AKAP6: variants seen among roughly 807,000 people sequenced by gnomAD.
AKAP6 encodes the protein A-kinase anchoring protein 6.
In AKAP6, 58 loss-of-function variants were observed where a neutral mutation model predicts 188.5. The observed-to-expected ratio is 0.31, with a 90% confidence interval of 0.25 to 0.38. AKAP6 has a LOEUF of 0.38. AKAP6 is among the 10% of genes least tolerant of loss of function. The pLI is 1.00. For synonymous variants in AKAP6, 989 were observed against 998.6 expected (o/e 0.99, Z 0.18); for missense variants, 2,710 against 2,740.0 (o/e 0.99, Z 0.24).
intron 7 of AKAP6, among the ~76,000 whole-genome samples, chr14:32,670,229 A>C: frequency 6.6e-6 from 1 of 152,124 alleles, no homozygotes. Context: ...CCCAGGATTA[A>C]ATTACATCCC....
chr14:32,676,920 T>C (rs1283065382), intron 7 of AKAP6, among the ~76,000 whole-genome samples: 4 of 152,296 alleles, frequency 2.6e-5, no homozygotes, highest in Non-Finnish European at 4.4e-5. Context: ...TGCAACTTCC[T>C]TCTCCCAGGT....
At chr14:32,776,734 A>G (rs1410094894) in intron 12 of AKAP6, among the ~76,000 whole-genome samples, 2 of 152,212 alleles carry the variant, frequency 1.3e-5, no homozygotes, top group African/African-American at 2.4e-5. Flanking sequence ...TTATGTTTCT[A>G]TAAGAACACC....
At chr14:32,803,964 C>T (rs1238985948) in intron 12 of AKAP6, among the ~76,000 whole-genome samples, 6 of 152,162 alleles carry the variant, frequency 3.9e-5, no homozygotes, top group East Asian at 1.9e-4. Context: ...CCATCTAGTC[C>T]GTTAATGGGT....
chr14:32,487,351 GT>G (rs1879758317), intron 2 of AKAP6, among the ~76,000 whole-genome samples: 2 of 152,258 alleles, frequency 1.3e-5, no homozygotes, highest in South Asian at 4.1e-4. Context: ...GTATGGAGGA[GT>G]CCCTCTTTTT....
At chr14:32,492,304 G>A (rs752454442) in intron 2 of AKAP6, among the ~76,000 whole-genome samples, 8 of 138,544 alleles carry the variant, frequency 5.8e-5, no homozygotes, top group Non-Finnish European at 9.3e-5. Flanking sequence ...GACACACTCT[G>A]TAGATATCAC....
chr14:32,612,089 A>G (rs1467883008), intron 7 of AKAP6, among the ~76,000 whole-genome samples: 1 of 152,176 alleles, frequency 6.6e-6, no homozygotes, highest in Non-Finnish European at 1.5e-5. Context: ...CTCTCAAAAG[A>G]GATTTCCTAA....
intron 7 of AKAP6, among the ~76,000 whole-genome samples, chr14:32,656,000 T>C (rs1199805927): frequency 6.6e-6 from 1 of 152,152 alleles, no homozygotes; most frequent in Non-Finnish European, 1.5e-5. Context: ...ATATCTCTCG[T>C]CTAGATATTT....
chr14:32,558,647 A>G (rs1417291268), intron 4 of AKAP6, among the ~76,000 whole-genome samples: 1 of 152,188 alleles, frequency 6.6e-6, no homozygotes, highest in African/African-American at 2.4e-5. Flanking sequence ...ACTATAAACA[A>G]AGAGACCCCA....
At chr14:32,436,216 T>C (rs1399133413) in intron 2 of AKAP6, among the ~76,000 whole-genome samples, 1 of 152,236 alleles carries the variant, frequency 6.6e-6, no homozygotes, top group Non-Finnish European at 1.5e-5. Flanking sequence ...ATCTCAAGGC[T>C]GGGAATGCCC....
At chr14:32,529,079 T>C (rs1459428695) in intron 2 of AKAP6, among the ~76,000 whole-genome samples, 2 of 152,198 alleles carry the variant, frequency 1.3e-5, no homozygotes, top group Non-Finnish European at 2.9e-5. Flanking sequence ...ACTAACATCT[T>C]GATAATATTG....
chr14:32,591,128 C>A (rs974180017), intron 5 of AKAP6, among the ~76,000 whole-genome samples: 13 of 152,200 alleles, frequency 8.5e-5, no homozygotes, highest in African/African-American at 3.1e-4. Flanking sequence ...GAATCCACAT[C>A]TGTAGGGGCT....
chr14:32,444,599 A>G (rs1890699346), intron 2 of AKAP6, among the ~76,000 whole-genome samples: 1 of 152,218 alleles, frequency 6.6e-6, no homozygotes, highest in Non-Finnish European at 1.5e-5. Context: ...ATATCATTAA[A>G]TGGAGAAGGA....
intron 5 of AKAP6, among the ~76,000 whole-genome samples, chr14:32,589,248 G>A (rs890942445): frequency 4.6e-5 from 7 of 152,124 alleles, no homozygotes; most frequent in African/African-American, 1.7e-4. Context: ...GGCCTTACAC[G>A]GGCTTTGAAG....
At chr14:32,550,145 C>A (rs6571535) in intron 4 of AKAP6, among the ~76,000 whole-genome samples, 60,199 of 152,054 alleles carry the variant, frequency 0.4, 15,868 homozygotes, top group African/African-American at 0.75. Flanking sequence ...TGTTTTAACC[C>A]GATGATGACT....
In AKAP6 at chr14:32,822,628, C is replaced by T. The variant is rs766712086; in HGVS notation, c.4815C>T (p.Ser1605=). ...SLESWLTSYK[S]NEDLFSCHSS... ...AAAGTTGGTTGACTTCCTATAAAAGCAATGAAGATCTCTTTAGCTGTCACA... is the reference window on the plus strand; with the variant it reads ...AAAGTTGGTTGACTTCCTATAAAAGTAATGAAGATCTCTTTAGCTGTCACA... The change falls in exon 13 of 14, where the codon AGC becomes AGT. Residue 1605 remains serine, a synonymous_variant. Coordinates refer to ENST00000280979, the MANE Select transcript of AKAP6 (RefSeq NM_004274.5). 1.1e-5 allele frequency: 17 copies of T among 1,613,870 alleles called. No homozygotes were observed. In the Admixed American group the frequency reaches 2.8e-4, roughly 27 times the overall value.
chr14:32,444,387 C>T (rs1890690921), intron 2 of AKAP6, among the ~76,000 whole-genome samples: 1 of 152,074 alleles, frequency 6.6e-6, no homozygotes, highest in Non-Finnish European at 1.5e-5. Context: ...TCTCTTGTCA[C>T]TTGGTATTAG....
chr14:32,370,346 A>G (rs148638594), intron 1 of AKAP6, among the ~76,000 whole-genome samples: 1 of 152,340 alleles, frequency 6.6e-6, no homozygotes, highest in Non-Finnish European at 1.5e-5. Context: ...TGTGCCTTAC[A>G]AAGACAGTGC....
At chr14:32,353,274 G>A (rs1887354344) in intron 1 of AKAP6, among the ~76,000 whole-genome samples, 1 of 152,086 alleles carries the variant, frequency 6.6e-6, no homozygotes, top group Non-Finnish European at 1.5e-5. Flanking sequence ...TAAAAGTATG[G>A]CTTTTTGGCC....
In AKAP6 at chr14:32,512,582, T is replaced by A. The variant is rs575750993; in HGVS notation, c.325-22972T>A. Among the ~76,000 whole-genome samples, 5 of 152,290 alleles carry A rather than the reference T, an allele frequency of 3.3e-5. No homozygotes were observed. In the South Asian group the frequency reaches 1.0e-3, roughly 32 times the overall value. On this transcript the variant is annotated intron_variant, in intron 2 of 13. Transcript: ENST00000280979. ...ATTAATAATGAATGATTACTGTACT[T>A]GGTGGTCAGATATGCTATTCTGATC... is the stretch of plus-strand genomic sequence containing the variant.
Sources: allele counts gnomAD v4.1 joint callset (sites outside exome capture counted in the v4.1 genomes callset), GRCh38; gene constraint gnomAD v4.1.1; transcripts MANE v1.5; gene names NCBI Gene and HGNC (gene_info 2026-07-23, HGNC 2026-07-21).